The following PPM1F variants were observed in gnomAD, a reference collection of about 807,000 sequenced individuals.
The protein encoded by PPM1F is protein phosphatase, Mg2+/Mn2+ dependent 1F.
In PPM1F, 17 loss-of-function variants were observed where a neutral mutation model predicts 35.5. The ratio of observed to expected loss-of-function variants is 0.48; its 90% CI spans 0.33 to 0.72. The LOEUF is 0.72. Ranked by LOEUF, PPM1F falls within the 30% of genes least tolerant of loss-of-function variation. The pLI is 0.02. For missense variants in PPM1F, 521 were observed against 613.0 expected (o/e 0.85, Z 1.59); for synonymous variants, 241 against 255.5 (o/e 0.94, Z 0.54).
chr22:21,923,414 AG>A lies in PPM1F; in HGVS notation c.1042del (p.Leu348Ter). Reference sequence around the variant, plus strand: ...CAGCAGGTAGTCCTCGGAGCCCGTCAGCGCCCGGGAAGCTGCATCGGCCTCC... The same window carrying A: ...CAGCAGGTAGTCCTCGGAGCCCGTCACGCCCGGGAAGCTGCATCGGCCTCC... ...SGEADAASRA[L>X]TGSEDYLLLA... On this transcript the variant is annotated frameshift_variant, in exon 8 of 8. Transcript: ENST00000263212. LOFTEE classifies it low-confidence loss of function (END_TRUNC). 3.7e-6 allele frequency: 6 copies of A among 1,613,604 alleles called. No homozygotes were observed. The highest frequency in any genetic ancestry group is 5.1e-6 in the Non-Finnish European group (6 of 1,179,850).
In PPM1F at chr22:21,939,192, A is replaced by C; in HGVS notation, c.355+340T>G. 4.2e-6 allele frequency: 1 copy of C among 237,428 alleles called. No individual in the cohort carries two copies. Among genetic ancestry groups the C allele is most frequent in the East Asian group, 1.1e-4 (1 of 9,222 alleles). 14.7% of individuals were successfully genotyped at this position (237,428 alleles called of 1,614,324 possible). A position where few individuals can be genotyped will look rare whatever the true frequency, so the allele number is the denominator to read the frequency against. ...GGCACTTGAACCTGGCTGCATGACC[A>C]GAGATCGATCACCTGTGAGATCCTC... On this transcript the variant is annotated intron_variant, in intron 3 of 7. Transcript: ENST00000263212. This position sits in a 1 kb window ranked among gnomAD's most constrained non-coding sequence, Gnocchi z 5.1.
At chr22:21,925,532 A>G in intron 7 of PPM1F, 37 bp downstream of exon 7, 4 of 1,592,156 alleles carry the variant, frequency 2.5e-6, no homozygotes, top group Non-Finnish European at 3.4e-6. Context: ...CTTCCGAGAG[A>G]CCTTCTCCCA....
At chr22:21,938,727 G>A in intron 3 of PPM1F, 3 of 404,182 alleles carry the variant, frequency 7.4e-6, no homozygotes, top group Non-Finnish European at 1.0e-5. Flanking sequence ...CCCCCTTGTG[G>A]CACCCCTGCT....
At chr22:21,945,791 C>T in intron 2 of PPM1F, 52 bp downstream of exon 2, 2 of 1,570,268 alleles carry the variant, frequency 1.3e-6, no homozygotes, top group Non-Finnish European at 1.7e-6. Flanking sequence ...CCCTTGTCGG[C>T]CCTGGTGCCG....
intron 2 of PPM1F, chr22:21,944,921 C>G (rs2070762099): frequency 6.6e-6 from 1 of 152,324 alleles, no homozygotes; most frequent in South Asian, 2.1e-4. Context: ...CCTCAGCTTC[C>G]TCACCTGTGG....
chr22:21,947,458 T>C (rs905686655), intron 1 of PPM1F: 4 of 152,098 alleles, frequency 2.6e-5, no homozygotes, highest in African/African-American at 7.2e-5. Context: ...GTGGATGAGA[T>C]TGGATCCAGA....
In PPM1F at chr22:21,939,820, G is replaced by A; in HGVS notation, c.207-140C>T. 1 of 976,808 alleles carries A rather than the reference G, an allele frequency of 1.0e-6. No individual in the cohort carries two copies. The highest frequency in any genetic ancestry group is 1.5e-6 in the Non-Finnish European group (1 of 668,356). The allele number at this position is 976,808 out of a possible 1,614,324, so 60.5% of individuals were successfully genotyped here. A position where few individuals can be genotyped will look rare whatever the true frequency, so the allele number is the denominator to read the frequency against. On this transcript the variant is annotated intron_variant, in intron 2 of 7. Transcript: ENST00000263212. This position sits in a 1 kb window ranked among gnomAD's most constrained non-coding sequence, Gnocchi z 5.1. The stretch of plus-strand genomic sequence containing the variant: ...TGTCCTCAGGGAGCTGGGACAGGAA[G>A]GTCACAGGACAGCAAAGGCAGACGC...
At position 21,922,234 on chromosome 22, in the gene PPM1F, AG is replaced by A. The variant is rs2070455460; in HGVS notation, c.*857del. The A allele has an allele frequency of 6.6e-6, 1 of 152,644 alleles. No individual in the cohort carries two copies. The highest frequency in any genetic ancestry group is 2.4e-5 in the African/African-American group (1 of 41,464). The allele number at this position is 152,644 out of a possible 1,614,324, so 9.5% of individuals were successfully genotyped here. ...ATAAATTCAATAATACTGCAAAAAA[AG>A]GTTCCTTGAAAAATAGCTTTAAAAA... On this transcript the variant is annotated 3_prime_UTR_variant, in exon 8 of 8. Transcript: ENST00000263212.
rs1216269913 is a variant in PPM1F, at chr22:21,922,005, AG to A, written c.*1086del. ...GGAGGGGAGAACCTTGGGGGTGTTC[AG>A]CATCACAAAGAGGCGGAAAACTCTT... On this transcript the variant is annotated 3_prime_UTR_variant, in exon 8 of 8. Transcript: ENST00000263212. The A allele has an allele frequency of 2.6e-5, 4 of 152,312 alleles. No individual in the cohort carries two copies. The highest frequency in any genetic ancestry group is 5.9e-5 in the Non-Finnish European group (4 of 68,042). 9.4% of individuals were successfully genotyped at this position (152,312 alleles called of 1,614,324 possible). A position where few individuals can be genotyped will look rare whatever the true frequency, so the allele number is the denominator to read the frequency against.
Position 21,931,240 on chromosome 22 carries a change from G to T in PPM1F, c.799C>A (p.Leu267Met). ...GAATCCCCGAGCCAGGCGACGTGCA[G>T]GGTCGCTCCTGCAATGAGCGCACAC... ...GVCALIAGAT[L>M]HVAWLGDSQV... Residue 267 changes from leucine (L) to methionine (M), a missense_variant, in exon 6 of 8, where the codon CTG (leucine) becomes ATG (methionine). Around this residue, in one of 3 missense-constraint regions of PPM1F, gnomAD observed 47 missense variants for 92.0 expected, o/e 0.51. Transcript: ENST00000263212. 6.2e-7 allele frequency: 1 copy of T among 1,613,944 alleles called. No homozygotes were observed. The highest frequency in any genetic ancestry group is 8.5e-7 in the Non-Finnish European group (1 of 1,180,022).
chr22:21,927,942 G>GTTGTTTTTT (rs2070537181), intron 6 of PPM1F, among the ~76,000 whole-genome samples: 1 of 75,126 alleles, frequency 1.3e-5, no homozygotes, highest in East Asian at 5.5e-4. Context: ...TTTTTGTTTT[G>GTTGTTTTTT]TTTTTTTTTT....
intron 2 of PPM1F, chr22:21,944,419 T>G (rs571944028): frequency 5.3e-5 from 8 of 151,820 alleles, no homozygotes; most frequent in African/African-American, 1.2e-4. Flanking sequence ...AGGAACAGAG[T>G]TGATTCGCTG....
Position 21,922,830 on chromosome 22 carries a change from T to C in PPM1F, c.*262A>G, listed in dbSNP as rs1055562253. The stretch of plus-strand genomic sequence containing the variant: ...ACCTCTGGTCCCACCCCGGGCCTAA[T>C]AGGAGCTGGGAGCAAGAGCCGGTCC... On this transcript the variant is annotated 3_prime_UTR_variant, in exon 8 of 8. Coordinates refer to ENST00000263212, the MANE Select transcript of PPM1F (RefSeq NM_014634.4). 56 of 471,396 alleles carry C rather than the reference T, an allele frequency of 1.2e-4. No homozygotes were observed. Among genetic ancestry groups the C allele is most frequent in the African/African-American group, 7.2e-4 (37 of 51,110 alleles). The allele number at this position is 471,396 out of a possible 1,614,324, so 29.2% of individuals were successfully genotyped here.
chr22:21,929,219 G>T (rs934200184), intron 6 of PPM1F, among the ~76,000 whole-genome samples: 2 of 152,194 alleles, frequency 1.3e-5, no homozygotes, highest in Non-Finnish European at 2.9e-5. Context: ...CAGGATCACA[G>T]CAGGAGGGGC....
chr22:21,942,662 C>T (rs1179463994), intron 2 of PPM1F: 1 of 152,300 alleles, frequency 6.6e-6, no homozygotes, highest in African/African-American at 2.4e-5. Context: ...GCTGCTGGGG[C>T]AGGGAGGCAG....
At chr22:21,930,068 G>GA (rs1178436144) in intron 6 of PPM1F, among the ~76,000 whole-genome samples, 1 of 152,100 alleles carries the variant, frequency 6.6e-6, no homozygotes, top group Non-Finnish European at 1.5e-5. Flanking sequence ...ACAGGCAAAG[G>GA]AAAAAAACAG....
Position 21,928,747 on chromosome 22 carries a change from T to C in PPM1F, c.891+2401A>G, listed in dbSNP as rs1365032818. Among the ~76,000 whole-genome samples, 5 of 152,178 alleles carry C rather than the reference T, an allele frequency of 3.3e-5. No homozygotes were observed. In the East Asian group the frequency reaches 5.8e-4, roughly 18 times the overall value. On this transcript the variant is annotated intron_variant, in intron 6 of 7. Coordinates refer to ENST00000263212, the MANE Select transcript of PPM1F (RefSeq NM_014634.4). ...ATCACTTGGGGCACACCTCCACACC[T>C]GGCCCTGATTCTGGCATAACCTGCC... is the stretch of plus-strand genomic sequence containing the variant.
At chr22:21,929,971 G>C (rs2070569543) in intron 6 of PPM1F, among the ~76,000 whole-genome samples, 1 of 152,202 alleles carries the variant, frequency 6.6e-6, no homozygotes, top group African/African-American at 2.4e-5. Context: ...AAAAATAAAA[G>C]ATGCATGGAA....
chr22:21,931,045 G>A (rs1028578475), intron 6 of PPM1F, 103 bp downstream of exon 6: 2 of 1,537,596 alleles, frequency 1.3e-6, no homozygotes, highest in African/African-American at 2.7e-5. Context: ...AAGGTGCCAG[G>A]ATTACTACTA....
Sources: allele counts gnomAD v4.1 joint callset (sites outside exome capture counted in the v4.1 genomes callset), GRCh38; gene constraint gnomAD v4.1.1; regional missense constraint gnomAD v4.1.1; non-coding constraint Gnocchi (gnomAD v3.1); transcripts MANE v1.5; gene names NCBI Gene and HGNC (gene_info 2026-07-23, HGNC 2026-07-21).